Variants in EPHA6 observed in about 807,000 individuals in gnomAD.
EPHA6 encodes ephrin type-A receptor 6.
Under a neutral mutation model 112.0 loss-of-function variants are expected in EPHA6, and 50 were observed. That is an observed-to-expected ratio of 0.45 (90% CI 0.36 to 0.56). EPHA6 has a LOEUF of 0.56. Among genes scored for constraint, EPHA6 ranks in the 20% least tolerant of loss-of-function variants. The pLI is 0.00. For synonymous variants in EPHA6, 529 were observed against 490.7 expected, an observed-to-expected ratio of 1.08 and a Z score of -1.03; for missense variants, 1,280 against 1,417.4, an observed-to-expected ratio of 0.90 and a Z score of 1.56.
intron 3 of EPHA6, among the ~76,000 whole-genome samples, chr3:97,002,338 A>C (rs1000939862): frequency 6.6e-6 from 1 of 150,626 alleles, no homozygotes; most frequent in African/African-American, 2.4e-5. Context: ...TATGTATATA[A>C]TTTTTTAAAT....
intron 2 of EPHA6, among the ~76,000 whole-genome samples, chr3:96,926,782 A>G (rs2040056864): frequency 6.6e-6 from 1 of 152,198 alleles, no homozygotes; most frequent in Non-Finnish European, 1.5e-5. Flanking sequence ...TTGGCTTTGC[A>G]GGGTACAGCC....
Position 96,959,108 on chromosome 3 carries a change from A to G in EPHA6, c.451-28222A>G, listed in dbSNP as rs556345737. Among the ~76,000 whole-genome samples, 25 of 152,318 alleles carry G rather than the reference A, an allele frequency of 1.6e-4. 1 individual carries two copies. The South Asian group carries it at 5.2e-3, about 32-fold the overall frequency. On this transcript the variant is annotated intron_variant, in intron 2 of 17. Coordinates refer to ENST00000389672, the MANE Select transcript of EPHA6 (RefSeq NM_001080448.3). Reference sequence around the variant, plus strand: ...CTCTGTTTTCTAAAGTGACTGTGCCAGTTTACATTCCCACCAGAAATGCTT... The same window carrying G: ...CTCTGTTTTCTAAAGTGACTGTGCCGGTTTACATTCCCACCAGAAATGCTT...
intron 10 of EPHA6, among the ~76,000 whole-genome samples, chr3:97,510,509 C>T (rs910250729): frequency 1.3e-5 from 2 of 152,164 alleles, no homozygotes; most frequent in African/African-American, 4.8e-5. Context: ...TGAGTATCAC[C>T]AGCGGAGGCT....
chr3:96,818,092 A>G (rs1057060977), intron 1 of EPHA6, among the ~76,000 whole-genome samples: 3 of 151,728 alleles, frequency 2.0e-5, no homozygotes, highest in Non-Finnish European at 2.9e-5. Context: ...AAACCACAGT[A>G]TTAATTAAGT....
intron 3 of EPHA6, among the ~76,000 whole-genome samples, chr3:97,165,941 C>T (rs1347697676): frequency 1.3e-5 from 2 of 152,040 alleles, no homozygotes; most frequent in African/African-American, 4.8e-5. Flanking sequence ...AATACAGATG[C>T]TTTTGGTTTC....
intron 7 of EPHA6, among the ~76,000 whole-genome samples, chr3:97,473,533 T>C (rs1428495771): frequency 6.6e-6 from 1 of 151,882 alleles, no homozygotes; most frequent in Admixed American, 6.6e-5. Flanking sequence ...GCTACCTAAC[T>C]ACTATGAAAC....
intron 10 of EPHA6, among the ~76,000 whole-genome samples, chr3:97,528,485 A>G (rs1443237109): frequency 6.6e-6 from 1 of 152,084 alleles, no homozygotes; most frequent in Non-Finnish European, 1.5e-5. Context: ...CCTGTGGGAG[A>G]GCATTCCTGT....
intron 13 of EPHA6, among the ~76,000 whole-genome samples, chr3:97,625,338 T>G (rs1456826905): frequency 6.6e-6 from 1 of 151,764 alleles, no homozygotes; most frequent in Non-Finnish European, 1.5e-5. Context: ...ATACACAAAT[T>G]TGTGGATTTT....
At chr3:97,525,851 G>C (rs1324712348) in intron 10 of EPHA6, among the ~76,000 whole-genome samples, 2 of 152,102 alleles carry the variant, frequency 1.3e-5, no homozygotes, top group African/African-American at 4.8e-5. Context: ...TCTGGATCTG[G>C]GATGATGAAG....
Position 97,554,819 on chromosome 3 carries a change from T to C in EPHA6, c.2386+22276T>C, listed in dbSNP as rs1466611342. 2.6e-5 allele frequency among the ~76,000 whole-genome samples: 4 copies of C among 152,144 alleles called. No individual in the cohort carries two copies. The East Asian group carries it at 7.7e-4, about 29-fold the overall frequency. On this transcript the variant is annotated intron_variant, in intron 11 of 17. Transcript: ENST00000389672. ...ATGTTTTCTGTTTCTTGCCTTTTTG[T>C]ATGTTCTGATGTTTTGACATCTAAG... is the stretch of plus-strand genomic sequence containing the variant.
intron 3 of EPHA6, among the ~76,000 whole-genome samples, chr3:97,217,860 T>A (rs2078075290): frequency 6.6e-6 from 1 of 152,248 alleles, no homozygotes; most frequent in Non-Finnish European, 1.5e-5. Context: ...TAGTTTGGAC[T>A]TTATTCTAGA....
At chr3:97,716,897 T>G (rs2034264811) in intron 14 of EPHA6, among the ~76,000 whole-genome samples, 1 of 152,132 alleles carries the variant, frequency 6.6e-6, no homozygotes, top group Non-Finnish European at 1.5e-5. Context: ...TAAGATTTAT[T>G]CCAGTTCATA....
At chr3:97,266,291 C>G (rs886471437) in intron 5 of EPHA6, among the ~76,000 whole-genome samples, 6 of 152,036 alleles carry the variant, frequency 3.9e-5, no homozygotes, top group Non-Finnish European at 8.8e-5. Flanking sequence ...TTTAATATAA[C>G]CTAAACAAAA....
chr3:97,648,101 C>A (rs2094079721), intron 14 of EPHA6, among the ~76,000 whole-genome samples: 1 of 151,908 alleles, frequency 6.6e-6, no homozygotes, highest in Non-Finnish European at 1.5e-5. Flanking sequence ...TTTATGAGTC[C>A]TTGATTTTAA....
chr3:97,606,721 A>G (rs2093682714), intron 12 of EPHA6, among the ~76,000 whole-genome samples: 1 of 151,306 alleles, frequency 6.6e-6, no homozygotes, highest in Admixed American at 6.6e-5. Flanking sequence ...ACTGTGTTCA[A>G]ATGGCATCAT....
chr3:97,241,768 T>TGG (rs1294589188), intron 4 of EPHA6, among the ~76,000 whole-genome samples: 1 of 150,116 alleles, frequency 6.7e-6, no homozygotes, highest in Admixed American at 6.7e-5. Flanking sequence ...TTTTTTTTTT[T>TGG]TTGTTTTTTT....
intron 2 of EPHA6, among the ~76,000 whole-genome samples, chr3:96,922,047 A>G (rs990014140): frequency 4.6e-5 from 7 of 152,172 alleles, no homozygotes; most frequent in Non-Finnish European, 1.0e-4. Flanking sequence ...AGAGAGAGAG[A>G]GAGAGAAAAA....
At position 96,989,269 on chromosome 3, in the gene EPHA6, C is replaced by T. The variant is rs974085581; in HGVS notation, c.1114+1276C>T. Among the ~76,000 whole-genome samples the T allele has an allele frequency of 4.6e-5, 7 of 152,224 alleles. No individual in the cohort carries two copies. In the South Asian group the frequency reaches 6.2e-4, roughly 14 times the overall value. On this transcript the variant is annotated intron_variant, in intron 3 of 17. Transcript: ENST00000389672. ...TTGGGTTCTTGACTCTTTAGAAGTT[C>T]GCTCAAGCTGCCAGTGATGATTATG... is the stretch of plus-strand genomic sequence containing the variant.
intron 5 of EPHA6, among the ~76,000 whole-genome samples, chr3:97,362,727 T>C (rs1475686297): frequency 6.6e-6 from 1 of 152,028 alleles, no homozygotes; most frequent in African/African-American, 2.4e-5. Context: ...TACACATTAA[T>C]TAACTTGAAG....
Sources: gnomAD v4.1 joint callset for allele counts (sites outside exome capture counted in the v4.1 genomes callset) on GRCh38, gnomAD v4.1.1 for gene constraint, MANE v1.5 for transcripts, NCBI Gene and HGNC (gene_info 2026-07-23, HGNC 2026-07-21) for gene names.